The following SPOCK1 variants were observed in gnomAD, a reference collection of about 807,000 sequenced individuals.
SPOCK1 encodes the protein testican-1.
A neutral mutation model predicts 55.3 loss-of-function variants in SPOCK1; 23 were observed. The ratio of observed to expected loss-of-function variants is 0.42; its 90% confidence interval spans 0.30 to 0.59. SPOCK1 has a LOEUF of 0.59. SPOCK1 is among the 20% of genes least tolerant of loss of function. The pLI, the probability that SPOCK1 is intolerant of heterozygous loss-of-function variation, is 0.22. For synonymous variants in SPOCK1, 226 were observed against 221.0 expected (o/e 1.02, Z -0.20); for missense variants, 499 against 552.5 (o/e 0.90, Z 0.97).
At chr5:137,331,601 G>A (rs1439680312) in intron 2 of SPOCK1, among the ~76,000 whole-genome samples, 1 of 152,154 alleles carries the variant, frequency 6.6e-6, no homozygotes, top group Non-Finnish European at 1.5e-5. Context: ...ATTCATGAAG[G>A]AAGATGAGGC....
intron 2 of SPOCK1, chr5:137,313,579 G>A: frequency 1.5e-6 from 1 of 682,096 alleles, no homozygotes; most frequent in Non-Finnish European, 1.8e-6. Context: ...AAATGAACCT[G>A]ACCCCATTCT....
At chr5:137,174,610 G>A (rs797008043) in intron 3 of SPOCK1, among the ~76,000 whole-genome samples, 19 of 152,324 alleles carry the variant, frequency 1.2e-4, no homozygotes, top group Admixed American at 4.6e-4. Context: ...GTCTGCATCC[G>A]TGGGGCAGAG....
intron 6 of SPOCK1, among the ~76,000 whole-genome samples, chr5:136,999,535 G>C (rs1751108584): frequency 6.6e-6 from 1 of 152,114 alleles, no homozygotes; most frequent in Non-Finnish European, 1.5e-5. Flanking sequence ...GCTCCCAAAG[G>C]CTATAACTGG....
intron 2 of SPOCK1, among the ~76,000 whole-genome samples, chr5:137,487,849 T>G (rs1427998343): frequency 6.6e-6 from 1 of 152,214 alleles, no homozygotes; most frequent in Non-Finnish European, 1.5e-5. Flanking sequence ...GAGGCCTATG[T>G]TGAGTCACAC....
At chr5:137,106,174 C>G (rs1753364726) in intron 5 of SPOCK1, among the ~76,000 whole-genome samples, 1 of 151,884 alleles carries the variant, frequency 6.6e-6, no homozygotes, top group South Asian at 2.1e-4. Context: ...TCCTCCTCTG[C>G]TCCTTTCTGA....
intron 6 of SPOCK1, among the ~76,000 whole-genome samples, chr5:137,053,742 T>C (rs1481827895): frequency 6.6e-6 from 1 of 152,072 alleles, no homozygotes; most frequent in Non-Finnish European, 1.5e-5. Context: ...TCTGCAAGGA[T>C]AAAACACAGC....
intron 3 of SPOCK1, among the ~76,000 whole-genome samples, chr5:137,231,697 A>G (rs1442336419): frequency 6.6e-6 from 1 of 152,224 alleles, no homozygotes; most frequent in African/African-American, 2.4e-5. Context: ...CTGCTAATAA[A>G]CACTCATGTG....
intron 2 of SPOCK1, among the ~76,000 whole-genome samples, chr5:137,296,076 AC>A (rs1268056345): frequency 1.3e-5 from 2 of 152,066 alleles, no homozygotes; most frequent in African/African-American, 4.8e-5. Flanking sequence ...CCCTGAAGAG[AC>A]CCCGCATTCC....
At chr5:137,423,277 C>T (rs183111788) in intron 2 of SPOCK1, among the ~76,000 whole-genome samples, 135 of 152,332 alleles carry the variant, frequency 8.9e-4, no homozygotes, top group African/African-American at 3.2e-3. Context: ...AGATCTCCAG[C>T]TGCATTCTGG....
At chr5:137,424,119 C>T (rs1752558538) in intron 2 of SPOCK1, among the ~76,000 whole-genome samples, 1 of 152,138 alleles carries the variant, frequency 6.6e-6, no homozygotes, top group Non-Finnish European at 1.5e-5. Flanking sequence ...GTGGCGCACA[C>T]CTGTAATCTC....
At chr5:136,992,291 G>A (rs946928389) in intron 7 of SPOCK1, among the ~76,000 whole-genome samples, 193 bp downstream of exon 7, 2 of 152,018 alleles carry the variant, frequency 1.3e-5, no homozygotes, top group Admixed American at 1.3e-4. Flanking sequence ...TCATTAAAAT[G>A]GTGAGATCAT....
chr5:136,980,687 C>T (rs1290431868), intron 9 of SPOCK1, among the ~76,000 whole-genome samples: 2 of 152,168 alleles, frequency 1.3e-5, no homozygotes, highest in South Asian at 2.1e-4. Flanking sequence ...TTTCTTTACC[C>T]AGTCTCAGGT....
At chr5:137,224,451 C>G (rs569572570) in intron 3 of SPOCK1, among the ~76,000 whole-genome samples, 1 of 152,224 alleles carries the variant, frequency 6.6e-6, no homozygotes, top group Non-Finnish European at 1.5e-5. Context: ...AGAAAACAGC[C>G]AAACAGAAAT....
intron 4 of SPOCK1, among the ~76,000 whole-genome samples, chr5:137,127,564 C>T (rs546483182): frequency 6.6e-6 from 1 of 152,360 alleles, no homozygotes; most frequent in South Asian, 2.1e-4. Context: ...AGTAGCTCTG[C>T]CCAGTGGGCC....
At chr5:137,413,611 G>A (rs1297374367) in intron 2 of SPOCK1, among the ~76,000 whole-genome samples, 1 of 152,030 alleles carries the variant, frequency 6.6e-6, no homozygotes, top group Non-Finnish European at 1.5e-5. Flanking sequence ...ATAAATCACA[G>A]CCCTCAAACC....
intron 2 of SPOCK1, among the ~76,000 whole-genome samples, chr5:137,333,393 G>C (rs1446513451): frequency 6.6e-6 from 1 of 152,102 alleles, no homozygotes; most frequent in Non-Finnish European, 1.5e-5. Context: ...GAGGAGGAGG[G>C]AGCCAAGTCA....
At chr5:137,425,463 A>T (rs1752588109) in intron 2 of SPOCK1, among the ~76,000 whole-genome samples, 1 of 152,200 alleles carries the variant, frequency 6.6e-6, no homozygotes. Context: ...ATCTCCAAAA[A>T]AAAAAAGAGA....
chr5:137,151,157 A>ATTT (rs4035066), intron 3 of SPOCK1, among the ~76,000 whole-genome samples: 38 of 149,912 alleles, frequency 2.5e-4, no homozygotes, highest in East Asian at 7.8e-4. Flanking sequence ...GTATTTTGTA[A>ATTT]TTTTTTTTTT....
At chr5:137,266,477 A>C (rs953404435) in intron 3 of SPOCK1, among the ~76,000 whole-genome samples, 1 of 152,172 alleles carries the variant, frequency 6.6e-6, no homozygotes, top group Non-Finnish European at 1.5e-5. Flanking sequence ...GGGGTGGAGA[A>C]AGCCTTCTGT....
Sources: allele counts gnomAD v4.1 joint callset (sites outside exome capture counted in the v4.1 genomes callset), GRCh38; gene constraint gnomAD v4.1.1; transcripts MANE v1.5; gene names NCBI Gene and HGNC (gene_info 2026-07-23, HGNC 2026-07-21).